The following FTCDNL1 variants were observed in gnomAD, a reference collection of about 807,000 sequenced individuals.
FTCDNL1 encodes formiminotransferase N-terminal subdomain-containing protein.
In FTCDNL1, 11 loss-of-function variants were observed where a neutral mutation model predicts 5.9. That is an observed-to-expected ratio of 1.87 (90% CI 1.18 to 3.10). The LOEUF (loss-of-function observed/expected upper bound fraction) is 3.10. FTCDNL1 is among the 30% of genes most tolerant of loss of function. The pLI is 0.00. For synonymous variants in FTCDNL1, 58 were observed against 24.8 expected, an observed-to-expected ratio of 2.34 and a Z score of -3.99; for missense variants, 115 against 65.5, an observed-to-expected ratio of 1.76 and a Z score of -2.61.
chr2:199,801,143 G>C (rs975691870), intron 3 of FTCDNL1, among the ~76,000 whole-genome samples: 1 of 152,200 alleles, frequency 6.6e-6, no homozygotes, highest in African/African-American at 2.4e-5. Context: ...GTGAGTCACA[G>C]CACTGAGTGA....
At chr2:199,664,098 G>A in the FTCDNL1 span, among the ~76,000 whole-genome samples, 4 of 150,704 alleles carry the variant, frequency 2.7e-5, no homozygotes, top group East Asian at 3.9e-4. Context: ...AAAAAAAAGT[G>A]TAAAAATAAA....
chr2:199,746,535 G>A, the FTCDNL1 span, among the ~76,000 whole-genome samples: 1 of 152,016 alleles, frequency 6.6e-6, no homozygotes, highest in Admixed American at 6.5e-5. Flanking sequence ...TCGGCATCTA[G>A]TATTTAGATG....
At chr2:199,770,692 T>C (rs979592209) in intron 3 of FTCDNL1, among the ~76,000 whole-genome samples, 2 of 152,146 alleles carry the variant, frequency 1.3e-5, no homozygotes, top group Non-Finnish European at 2.9e-5. Context: ...CCTGTGTATC[T>C]GGGAAGGGGA....
At position 199,850,998 on chromosome 2, in the gene FTCDNL1, G is replaced by C. The variant is rs1163288708; in HGVS notation, c.-266C>G. 1 of 151,990 alleles carries C rather than the reference G, an allele frequency of 6.6e-6. No individual in the cohort carries two copies. The highest frequency in any genetic ancestry group is 2.4e-5 in the African/African-American group (1 of 41,546). 9.4% of individuals were successfully genotyped at this position (151,990 alleles called of 1,614,324 possible). A position where few individuals can be genotyped will look rare whatever the true frequency, so the allele number is the denominator to read the frequency against. ...CGCCTGGGAGCGAGGGGCAGCCGGC[G>C]GCTGCGCTGCCCCGGCCGAGCTCTC... On this transcript the variant is annotated 5_prime_UTR_variant, in exon 1 of 5. Coordinates refer to ENST00000420128, the MANE Select transcript of FTCDNL1 (RefSeq NM_001363886.2).
At chr2:199,786,957 C>T (rs561090210) in intron 3 of FTCDNL1, among the ~76,000 whole-genome samples, 1 of 152,266 alleles carries the variant, frequency 6.6e-6, no homozygotes. Flanking sequence ...TGTTTCCTTG[C>T]CTTTTTCAGC....
chr2:199,802,365 C>T (rs909270306), intron 3 of FTCDNL1, among the ~76,000 whole-genome samples: 1 of 152,204 alleles, frequency 6.6e-6, no homozygotes, highest in African/African-American at 2.4e-5. Context: ...AGGGACTTTA[C>T]AGTCTAGCCA....
chr2:199,676,999 C>A, the FTCDNL1 span, among the ~76,000 whole-genome samples: 1 of 152,058 alleles, frequency 6.6e-6, no homozygotes, highest in African/African-American at 2.4e-5. Flanking sequence ...TTTAATTTTA[C>A]TACTATTGGG....
the FTCDNL1 span, among the ~76,000 whole-genome samples, chr2:199,738,770 AAAT>A: frequency 3.3e-5 from 5 of 152,334 alleles, no homozygotes; most frequent in East Asian, 5.8e-4. Flanking sequence ...AGAGAAAAGC[AAAT>A]AATGATGGAG....
chr2:199,821,316 ATTT>A (rs34899809), intron 3 of FTCDNL1, among the ~76,000 whole-genome samples: 21 of 133,864 alleles, frequency 1.6e-4, no homozygotes, highest in Non-Finnish European at 1.9e-4. Flanking sequence ...AGCCTGGCTA[ATTT>A]TTTTTTTTTT....
At chr2:199,671,335 T>C in the FTCDNL1 span, among the ~76,000 whole-genome samples, 1 of 152,026 alleles carries the variant, frequency 6.6e-6, no homozygotes, top group South Asian at 2.1e-4. Context: ...GGAGAGTTCT[T>C]GGAAGCCACC....
chr2:199,732,755 T>A, the FTCDNL1 span, among the ~76,000 whole-genome samples: 2 of 152,194 alleles, frequency 1.3e-5, no homozygotes, highest in East Asian at 1.9e-4. Context: ...TCTCAAATAA[T>A]GCACCCTAAC....
chr2:199,782,587 T>C (rs1442578264), intron 3 of FTCDNL1, among the ~76,000 whole-genome samples: 1 of 152,188 alleles, frequency 6.6e-6, no homozygotes, highest in Non-Finnish European at 1.5e-5. Flanking sequence ...GCTGCAATAA[T>C]ATACTGAGGG....
At chr2:199,684,303 T>G in the FTCDNL1 span, among the ~76,000 whole-genome samples, 1 of 152,146 alleles carries the variant, frequency 6.6e-6, no homozygotes, top group African/African-American at 2.4e-5. Flanking sequence ...ATTACCCAAG[T>G]AAGTTGAGGA....
chr2:199,725,983 C>T, the FTCDNL1 span, among the ~76,000 whole-genome samples: 1 of 152,046 alleles, frequency 6.6e-6, no homozygotes, highest in Non-Finnish European at 1.5e-5. Flanking sequence ...AGTATGTTTT[C>T]CAACTTGGTT....
intron 3 of FTCDNL1, among the ~76,000 whole-genome samples, chr2:199,786,177 A>G: frequency 6.6e-6 from 1 of 151,862 alleles, no homozygotes; most frequent in Non-Finnish European, 1.5e-5. Flanking sequence ...TGTCCTAAAC[A>G]ACTTTGTGTT....
chr2:199,781,547 T>C (rs1287622574), intron 3 of FTCDNL1, among the ~76,000 whole-genome samples: 1 of 152,162 alleles, frequency 6.6e-6, no homozygotes, highest in Non-Finnish European at 1.5e-5. Context: ...CAGTAAGATA[T>C]TCTGTAGAAT....
intron 3 of FTCDNL1, among the ~76,000 whole-genome samples, chr2:199,782,735 C>A (rs778906676): frequency 2.9e-4 from 44 of 152,230 alleles, no homozygotes; most frequent in Admixed American, 1.2e-3. Context: ...CAGTTTCTAG[C>A]TCATTACTTC....
the FTCDNL1 span, among the ~76,000 whole-genome samples, chr2:199,674,394 T>A: frequency 2.0e-5 from 3 of 152,068 alleles, no homozygotes; most frequent in Non-Finnish European, 4.4e-5. Flanking sequence ...TAGCACAAGG[T>A]GGGTACTGGT....
rs374926252 is a variant in FTCDNL1, at chr2:199,765,556, A to ATTTTTTTTTTTT, written c.212-4733_212-4722dup. Among the ~76,000 whole-genome samples, 9 of 42,666 alleles carry ATTTTTTTTTTTT rather than the reference A, an allele frequency of 2.1e-4. 1 individual carries two copies. Among genetic ancestry groups the ATTTTTTTTTTTT allele is most frequent in the African/African-American group, 5.8e-4 (9 of 15,578 alleles). The allele number at this position is 42,666 out of a possible 152,430, so 28.0% of individuals were successfully genotyped here. ...ATTATATATATATATATATATATATATTTTTTTTTTTTTTTTTGGAGATGG... is the reference window on the plus strand; with the variant it reads ...ATTATATATATATATATATATATATATTTTTTTTTTTTTTTTTTTTTTTTTTTTTGGAGATGG... On this transcript the variant is annotated intron_variant, in intron 3 of 3. Transcript: ENST00000416668.
Sources: gnomAD v4.1 joint callset for allele counts (sites outside exome capture counted in the v4.1 genomes callset) on GRCh38, gnomAD v4.1.1 for gene constraint, MANE v1.5 for transcripts, NCBI Gene and HGNC (gene_info 2026-07-23, HGNC 2026-07-21) for gene names.